The following ZCCHC4 variants were observed in gnomAD, a reference collection of about 807,000 sequenced individuals.
ZCCHC4 encodes zinc finger CCHC-type containing 4.
A neutral mutation model predicts 67.7 loss-of-function variants in ZCCHC4; 54 were observed. The observed-to-expected ratio is 0.80, with a 90% CI of 0.64 to 1.00. The LOEUF (loss-of-function observed/expected upper bound fraction) is 1.00, where lower values mean the gene tolerates loss of function less well. Ranked by LOEUF, ZCCHC4 falls within the 50% of genes least tolerant of loss-of-function variation. The pLI, the probability that ZCCHC4 is intolerant of heterozygous loss-of-function variation, is 0.00. For missense variants in ZCCHC4, 609 were observed against 617.0 expected (o/e 0.99, Z 0.14); for synonymous variants, 198 against 213.5 (o/e 0.93, Z 0.63).
At chr4:25,365,188 A>G (rs1265235889) in intron 12 of ZCCHC4, 22 bp downstream of exon 12, 1 of 1,612,856 alleles carries the variant, frequency 6.2e-7, no homozygotes, top group East Asian at 2.2e-5. Context: ...ACTTTACTAG[A>G]AAAATGTATT....
rs112344473 is a variant in ZCCHC4, at chr4:25,340,932, T to C, written c.687-4616T>C. Among the ~76,000 whole-genome samples, 1,028 of 152,216 alleles carry C rather than the reference T, an allele frequency of 6.8e-3. 9 individuals are homozygous for C. Among genetic ancestry groups the C allele is most frequent in the African/African-American group, 0.023 (965 of 41,528 alleles). On this transcript the variant is annotated intron_variant, in intron 5 of 12. Transcript: ENST00000302874. ...CGCTCCTCTTCTTCCTCCTCCTAAG[T>C]CTGCTCATTATGAAGATGAAGACCT...
chr4:25,342,016 C>G (rs920575862), intron 5 of ZCCHC4, among the ~76,000 whole-genome samples: 2 of 151,880 alleles, frequency 1.3e-5, no homozygotes, highest in Non-Finnish European at 2.9e-5. Flanking sequence ...TTTTTTCATG[C>G]TTATAAACTT....
At chr4:25,337,077 C>A (rs1021163681) in intron 5 of ZCCHC4, among the ~76,000 whole-genome samples, 6 of 152,162 alleles carry the variant, frequency 3.9e-5, no homozygotes, top group Admixed American at 3.3e-4. Context: ...GTCATCCTTC[C>A]ATCTCTCCCT....
rs1720648849 is a variant in ZCCHC4 at position 25,359,736 on chromosome 4, TACCC to T, written c.1012-2121_1012-2118del. On this transcript the variant is annotated intron_variant, in intron 8 of 12. Transcript: ENST00000302874. This position sits in a 1 kb window ranked among gnomAD's most constrained non-coding sequence, Gnocchi z 4.9. Reference sequence around the variant, plus strand: ...TTTCCAGAGCAACAATTCCAGAAAATACCCAAGCAGGAGAAGAATGTTTCTGCGC... The same window carrying T: ...TTTCCAGAGCAACAATTCCAGAAAATAAGCAGGAGAAGAATGTTTCTGCGC... 1.3e-5 allele frequency among the ~76,000 whole-genome samples: 2 copies of T among 151,958 alleles called. No homozygotes were observed. The highest frequency in any genetic ancestry group is 4.1e-4 in the South Asian group (2 of 4,820).
intron 12 of ZCCHC4, chr4:25,366,371 A>G (rs925557155): frequency 4.7e-6 from 3 of 645,006 alleles, no homozygotes; most frequent in Non-Finnish European, 3.8e-6. Flanking sequence ...GCTGGAGTGC[A>G]GTGGCCTGAT....
At chr4:25,349,132 A>G (rs1720164550) in intron 6 of ZCCHC4, among the ~76,000 whole-genome samples, 1 of 152,228 alleles carries the variant, frequency 6.6e-6, no homozygotes, top group African/African-American at 2.4e-5. Context: ...GCTTAGCACC[A>G]TCCTGGCTTC....
chr4:25,343,936 G>T (rs1577749556), intron 5 of ZCCHC4, among the ~76,000 whole-genome samples: 1 of 152,136 alleles, frequency 6.6e-6, no homozygotes, highest in Non-Finnish European at 1.5e-5. Flanking sequence ...CAAGGATGAT[G>T]TGAGTCATAT....
chr4:25,349,664 A>C (rs767575282), intron 7 of ZCCHC4, 22 bp downstream of exon 7: 1 of 1,609,788 alleles, frequency 6.2e-7, no homozygotes. Context: ...ATTACTGCAA[A>C]ATAAATACAT....
chr4:25,347,732 T>G (rs897883171), intron 6 of ZCCHC4, among the ~76,000 whole-genome samples: 2 of 152,162 alleles, frequency 1.3e-5, no homozygotes, highest in African/African-American at 4.8e-5. Flanking sequence ...TCCACTAGAT[T>G]CAAAAGCTGG....
intron 3 of ZCCHC4, among the ~76,000 whole-genome samples, chr4:25,317,413 G>A (rs1453455012): frequency 1.3e-5 from 2 of 151,926 alleles, no homozygotes; most frequent in Non-Finnish European, 2.9e-5. Flanking sequence ...CTTGAAAAGG[G>A]AATTAAAGAA....
chr4:25,313,929 A>G, intron 1 of ZCCHC4, 117 bp from the exon 2 acceptor site: 1 of 664,998 alleles, frequency 1.5e-6, no homozygotes. Flanking sequence ...GGATTTAATT[A>G]TGATAAATTG....
intron 12 of ZCCHC4, among the ~76,000 whole-genome samples, chr4:25,368,361 G>A (rs73254156): frequency 1.9e-3 from 282 of 152,270 alleles, no homozygotes; most frequent in Non-Finnish European, 3.2e-3. Flanking sequence ...GCTGCAGGTC[G>A]CCTGTAACTT....
At chr4:25,358,965 C>T (rs1160144731) in intron 8 of ZCCHC4, among the ~76,000 whole-genome samples, 1 of 152,220 alleles carries the variant, frequency 6.6e-6, no homozygotes, top group Non-Finnish European at 1.5e-5. Flanking sequence ...TACCCACTCC[C>T]CTTGGTCCTC....
At chr4:25,330,142 C>T (rs1719105024) in intron 3 of ZCCHC4, among the ~76,000 whole-genome samples, 1 of 152,022 alleles carries the variant, frequency 6.6e-6, no homozygotes, top group Non-Finnish European at 1.5e-5. Context: ...AGGTGTGCTC[C>T]ACCACGCCTG....
At chr4:25,353,596 T>C (rs1188483046) in intron 8 of ZCCHC4, among the ~76,000 whole-genome samples, 1 of 152,218 alleles carries the variant, frequency 6.6e-6, no homozygotes, top group Admixed American at 6.5e-5. Flanking sequence ...AGTGCAATGT[T>C]TGGCACACAG....
chr4:25,320,874 T>C (rs1164379924), intron 3 of ZCCHC4, among the ~76,000 whole-genome samples: 2 of 152,180 alleles, frequency 1.3e-5, no homozygotes, highest in Admixed American at 1.3e-4. Flanking sequence ...TTTTGCAGTG[T>C]TCTTTTCCTT....
At chr4:25,346,621 G>A (rs1380007702) in intron 6 of ZCCHC4, among the ~76,000 whole-genome samples, 1 of 152,134 alleles carries the variant, frequency 6.6e-6, no homozygotes, top group African/African-American at 2.4e-5. Flanking sequence ...TGAGTCCCCT[G>A]ATTTAGTAAG....
chr4:25,316,939 A>G (rs889843642), intron 3 of ZCCHC4, among the ~76,000 whole-genome samples: 1 of 152,218 alleles, frequency 6.6e-6, no homozygotes, highest in Non-Finnish European at 1.5e-5. Flanking sequence ...ACTAAACCAA[A>G]CTTTAAAAAT....
chr4:25,326,534 T>A (rs1226413481), intron 3 of ZCCHC4, among the ~76,000 whole-genome samples: 1 of 152,172 alleles, frequency 6.6e-6, no homozygotes, highest in Non-Finnish European at 1.5e-5. Flanking sequence ...TCTGGACTAT[T>A]TTTTTCCCTT....
Sources: gnomAD v4.1 joint callset for allele counts (sites outside exome capture counted in the v4.1 genomes callset) on GRCh38, gnomAD v4.1.1 for gene constraint, Gnocchi (gnomAD v3.1) non-coding constraint, MANE v1.5 for transcripts, NCBI Gene and HGNC (gene_info 2026-07-23, HGNC 2026-07-21) for gene names.